The following SLC22A3 variants were observed in gnomAD, a reference collection of about 807,000 sequenced individuals.
SLC22A3 encodes EMT organic cation transporter 3.
A neutral mutation model predicts 59.1 loss-of-function variants in SLC22A3; 51 were observed. The ratio of observed to expected loss-of-function variants is 0.86; its 90% CI spans 0.69 to 1.09. The LOEUF is 1.09. Ranked by LOEUF, SLC22A3 falls within the 50% of genes least tolerant of loss-of-function variation. SLC22A3 has a pLI of 0.00. For missense variants in SLC22A3, 711 were observed against 726.3 expected, an observed-to-expected ratio of 0.98 and a Z score of 0.24; for synonymous variants, 325 against 292.0, an observed-to-expected ratio of 1.11 and a Z score of -1.15.
chr6:160,443,636 C>T lies in SLC22A3; in HGVS notation c.1404C>T (p.Phe468=), dbSNP rs778036435. Residue 468 remains phenylalanine, a synonymous_variant, in exon 9 of 11, where the codon TTC becomes TTT. Coordinates refer to ENST00000275300, the MANE Select transcript of SLC22A3 (RefSeq NM_021977.4). The part of the protein sequence containing the change: ...SELYPTTLRN[F]GVSLCSGLCD... ...ATTACTTTTCATTCAACAGAAATTT[C>T]GGAGTTTCGCTCTGTTCAGGTCTGT... is the stretch of plus-strand genomic sequence containing the variant. 1.2e-5 allele frequency: 20 copies of T among 1,611,136 alleles called. No individual in the cohort carries two copies. Among genetic ancestry groups the T allele is most frequent in the South Asian group, 6.6e-5 (6 of 90,994 alleles).
chr6:160,409,021 T>TG (rs1317307894), intron 4 of SLC22A3, 100 bp downstream of exon 4: 2 of 1,035,526 alleles, frequency 1.9e-6, no homozygotes, highest in Non-Finnish European at 2.8e-6. Flanking sequence ...TTTTCTTTTT[T>TG]TTTTTTTTTT....
chr6:160,354,347 C>A (rs939193962), intron 1 of SLC22A3, among the ~76,000 whole-genome samples: 7 of 152,232 alleles, frequency 4.6e-5, no homozygotes, highest in African/African-American at 7.2e-5. Flanking sequence ...ATTGGCTTGA[C>A]ATATGCTTGC....
At chr6:160,432,668 C>T (rs778722602) in intron 5 of SLC22A3, among the ~76,000 whole-genome samples, 6 of 152,072 alleles carry the variant, frequency 3.9e-5, no homozygotes, top group African/African-American at 7.2e-5. Flanking sequence ...CCTCGTGATC[C>T]GCCCGCCTTG....
At chr6:160,433,777 T>G (rs1023401517) in intron 5 of SLC22A3, among the ~76,000 whole-genome samples, 3 of 152,074 alleles carry the variant, frequency 2.0e-5, no homozygotes, top group African/African-American at 7.2e-5. Context: ...TCTTGAAATA[T>G]GTGATGTAGG....
chr6:160,368,713 C>T (rs1232916894), intron 1 of SLC22A3, among the ~76,000 whole-genome samples: 1 of 152,180 alleles, frequency 6.6e-6, no homozygotes, highest in Non-Finnish European at 1.5e-5. Context: ...CACTCACCTC[C>T]TCACCCCTGG....
chr6:160,361,406 A>G (rs1379059776), intron 1 of SLC22A3, among the ~76,000 whole-genome samples: 2 of 152,242 alleles, frequency 1.3e-5, no homozygotes, highest in Non-Finnish European at 2.9e-5. Context: ...CATGACAGAT[A>G]CCATCAGCAG....
intron 1 of SLC22A3, among the ~76,000 whole-genome samples, chr6:160,389,387 A>G (rs1786153961): frequency 2.0e-5 from 3 of 152,138 alleles, no homozygotes; most frequent in Non-Finnish European, 4.4e-5. Context: ...TCCTTGGAAT[A>G]ATCCAACGTG....
At chr6:160,439,459 C>A (rs1371428855) in intron 7 of SLC22A3, among the ~76,000 whole-genome samples, 1 of 152,010 alleles carries the variant, frequency 6.6e-6, no homozygotes, top group Non-Finnish European at 1.5e-5. Context: ...TTTCTCTGGT[C>A]CTAGATTGAT....
intron 5 of SLC22A3, among the ~76,000 whole-genome samples, chr6:160,426,631 T>C (rs1046176822): frequency 1.3e-5 from 2 of 152,232 alleles, no homozygotes; most frequent in African/African-American, 4.8e-5. Context: ...GTTTTAAGTG[T>C]CTACCCAACT....
At chr6:160,408,696 G>GT in intron 3 of SLC22A3, 57 bp from the exon 4 acceptor site, 1 of 1,553,692 alleles carries the variant, frequency 6.4e-7, no homozygotes, top group Non-Finnish European at 8.9e-7. Flanking sequence ...GTATTTGTTT[G>GT]TTTATTTTGG....
intron 1 of SLC22A3, among the ~76,000 whole-genome samples, chr6:160,371,643 T>C (rs1785402638): frequency 6.6e-6 from 1 of 152,210 alleles, no homozygotes; most frequent in African/African-American, 2.4e-5. Flanking sequence ...ACAATAAACA[T>C]ACATGTGCAG....
intron 5 of SLC22A3, among the ~76,000 whole-genome samples, chr6:160,423,964 T>G (rs1232614626): frequency 6.6e-6 from 1 of 152,238 alleles, no homozygotes; most frequent in Admixed American, 6.5e-5. Flanking sequence ...GGTCTAACAT[T>G]TAAGTCTTTA....
In SLC22A3 at chr6:160,402,887, G is replaced by T. The variant is rs115284175; in HGVS notation, c.534-4154G>T. Reference sequence around the variant, plus strand: ...CACTCAAGACTTTTGGAATGCAACAGAAACAATGTTTAAAGGGAAATTTAT... The same window carrying T: ...CACTCAAGACTTTTGGAATGCAACATAAACAATGTTTAAAGGGAAATTTAT... On this transcript the variant is annotated intron_variant, in intron 2 of 10. Transcript: ENST00000275300. 2.6e-3 allele frequency among the ~76,000 whole-genome samples: 393 copies of T among 151,546 alleles called. 1 individual carries two copies. Among genetic ancestry groups the T allele is most frequent in the African/African-American group, 9.2e-3 (383 of 41,446 alleles).
At chr6:160,447,034 A>G (rs1014145743) in intron 9 of SLC22A3, among the ~76,000 whole-genome samples, 16 of 152,250 alleles carry the variant, frequency 1.1e-4, no homozygotes, top group African/African-American at 3.9e-4. Flanking sequence ...GGCATTTACC[A>G]GCACACCACT....
At position 160,395,497 on chromosome 6, in the gene SLC22A3, T is replaced by G. The variant is rs375123244; in HGVS notation, c.430-2482T>G. On this transcript the variant is annotated intron_variant, in intron 1 of 10. Transcript: ENST00000275300. ...AAATGTTGCATTTCCGCTGGTAGTT[T>G]GATTTCGCTGTTTGCTTTCTGAAAT... Among the ~76,000 whole-genome samples the G allele has an allele frequency of 4.6e-5, 7 of 152,364 alleles. No individual in the cohort carries two copies. In the East Asian group the frequency reaches 1.2e-3, roughly 25 times the overall value.
chr6:160,437,805 A>G (rs1390926934), intron 7 of SLC22A3, among the ~76,000 whole-genome samples: 2 of 152,240 alleles, frequency 1.3e-5, no homozygotes, highest in East Asian at 3.8e-4. Context: ...AACATGCGTG[A>G]AGACTCAAAT....
chr6:160,367,873 C>T (rs540368090), intron 1 of SLC22A3, among the ~76,000 whole-genome samples: 1 of 152,260 alleles, frequency 6.6e-6, no homozygotes, highest in South Asian at 2.1e-4. Flanking sequence ...TGTCCCTGCA[C>T]CCTCTCTGTT....
At chr6:160,448,248 T>G (rs539177249) in intron 10 of SLC22A3, among the ~76,000 whole-genome samples, 5 of 152,192 alleles carry the variant, frequency 3.3e-5, no homozygotes, top group African/African-American at 4.8e-5. Context: ...GAAATGTCAC[T>G]GAACAACATG....
intron 5 of SLC22A3, among the ~76,000 whole-genome samples, chr6:160,427,812 G>C (rs1186566188): frequency 6.6e-6 from 1 of 152,112 alleles, no homozygotes; most frequent in Non-Finnish European, 1.5e-5. Context: ...CCTTTTCATG[G>C]AACTCAAAAT....
Sources: gnomAD v4.1 joint callset for allele counts (sites outside exome capture counted in the v4.1 genomes callset) on GRCh38, gnomAD v4.1.1 for gene constraint, MANE v1.5 for transcripts, NCBI Gene and HGNC (gene_info 2026-07-23, HGNC 2026-07-21) for gene names.